DOCK5: variants seen among roughly 807,000 people sequenced by gnomAD.
DOCK5 encodes dedicator of cytokinesis protein 5.
A neutral mutation model predicts 251.8 loss-of-function variants in DOCK5; 142 were observed. The observed-to-expected ratio is 0.56, with a 90% CI of 0.49 to 0.65. The LOEUF is 0.65. Ranked by LOEUF, DOCK5 falls within the 30% of genes least tolerant of loss-of-function variation. The pLI is 0.00. For missense variants in DOCK5, 2,111 were observed against 2,312.3 expected, an observed-to-expected ratio of 0.91 and a Z score of 1.79; for synonymous variants, 842 against 835.5, an observed-to-expected ratio of 1.01 and a Z score of -0.13.
chr8:25,362,269 T>C (rs1430903282), intron 28 of DOCK5, among the ~76,000 whole-genome samples: 1 of 152,126 alleles, frequency 6.6e-6, no homozygotes, highest in Non-Finnish European at 1.5e-5. Context: ...TGAAATCTAT[T>C]AAAAGTATCC....
rs1213244767 is a variant in DOCK5 at position 25,382,583 on chromosome 8, C to T, written c.4027-91C>T. The T allele has an allele frequency of 9.0e-6, 9 of 998,210 alleles. No homozygotes were observed. The South Asian group carries it at 1.0e-4, about 11-fold the overall frequency. 61.8% of individuals were successfully genotyped at this position (998,210 alleles called of 1,614,324 possible). On this transcript the variant is annotated intron_variant, in intron 39 of 51. Coordinates refer to ENST00000276440, the MANE Select transcript of DOCK5 (RefSeq NM_024940.8). The stretch of plus-strand genomic sequence containing the variant: ...AAAGACCTTTCATTGCTCTGGGTTA[C>T]GTGGGAAACAACAAAACAAAGTCTG...
intron 13 of DOCK5, among the ~76,000 whole-genome samples, chr8:25,314,941 G>A (rs1436116072): frequency 6.7e-6 from 1 of 149,798 alleles, no homozygotes; most frequent in African/African-American, 2.5e-5. Context: ...CCAAATTGGA[G>A]CTACGATGAC....
intron 40 of DOCK5, among the ~76,000 whole-genome samples, chr8:25,388,615 C>T (rs1801204225): frequency 6.6e-6 from 1 of 152,216 alleles, no homozygotes; most frequent in African/African-American, 2.4e-5. Flanking sequence ...TCTCCTCATT[C>T]TCTTATGCAG....
intron 34 of DOCK5, 29 bp from the exon 35 acceptor site, chr8:25,372,530 G>A (rs148847374): frequency 6.5e-7 from 1 of 1,548,606 alleles, no homozygotes; most frequent in Non-Finnish European, 8.7e-7. Context: ...ATGGAACCTG[G>A]GCTTTTGTCT....
intron 47 of DOCK5, among the ~76,000 whole-genome samples, chr8:25,401,692 C>T (rs1348374858): frequency 6.6e-6 from 1 of 152,182 alleles, no homozygotes; most frequent in Non-Finnish European, 1.5e-5. Context: ...CGAGATCACA[C>T]CATTGCACTC....
chr8:25,246,704 T>TCGTGTGTGTGTGTGTGTGTG (rs1414412892), intron 2 of DOCK5, among the ~76,000 whole-genome samples: 1 of 89,576 alleles, frequency 1.1e-5, no homozygotes, highest in African/African-American at 4.0e-5. Flanking sequence ...CCATGTTAGT[T>TCGTGTGTGTGTGTGTGTGTG]TGTGTGTGTG....
intron 26 of DOCK5, among the ~76,000 whole-genome samples, chr8:25,347,593 A>G (rs1053757330): frequency 8.5e-5 from 13 of 152,248 alleles, no homozygotes; most frequent in African/African-American, 3.1e-4. Flanking sequence ...ATAATAAAGT[A>G]AAGCTCCACG....
At chr8:25,253,972 C>T (rs1194240647) in intron 2 of DOCK5, among the ~76,000 whole-genome samples, 1 of 152,198 alleles carries the variant, frequency 6.6e-6, no homozygotes, top group Non-Finnish European at 1.5e-5. Flanking sequence ...AGGACTGACA[C>T]TACCTGATTT....
At chr8:25,248,666 T>C (rs1209480624) in intron 2 of DOCK5, among the ~76,000 whole-genome samples, 2 of 152,188 alleles carry the variant, frequency 1.3e-5, no homozygotes, top group African/African-American at 4.8e-5. Flanking sequence ...CTTTTTCTGT[T>C]TCCTGCCGTG....
At chr8:25,325,595 T>G in intron 18 of DOCK5, 48 bp downstream of exon 18, 1 of 1,595,832 alleles carries the variant, frequency 6.3e-7, no homozygotes, top group African/African-American at 1.3e-5. Context: ...TGCTCAGCCT[T>G]TCTGGGCTCC....
intron 1 of DOCK5, among the ~76,000 whole-genome samples, chr8:25,188,422 G>T (rs892400406): frequency 6.6e-6 from 1 of 152,222 alleles, no homozygotes; most frequent in Non-Finnish European, 1.5e-5. Context: ...AGCTAGCTAT[G>T]ACTTTGCCTG....
At chr8:25,370,202 C>T (rs889784751) in intron 34 of DOCK5, among the ~76,000 whole-genome samples, 1 of 152,184 alleles carries the variant, frequency 6.6e-6, no homozygotes, top group Non-Finnish European at 1.5e-5. Flanking sequence ...CCCTCTTGCC[C>T]TCCTTGGCAC....
At chr8:25,222,028 C>T (rs1802404180) in intron 1 of DOCK5, among the ~76,000 whole-genome samples, 1 of 152,176 alleles carries the variant, frequency 6.6e-6, no homozygotes, top group Non-Finnish European at 1.5e-5. Context: ...GCTGTCAGCC[C>T]TGCGAGTTAA....
intron 2 of DOCK5, among the ~76,000 whole-genome samples, chr8:25,265,115 A>C (rs1443363218): frequency 6.6e-6 from 1 of 151,410 alleles, no homozygotes; most frequent in Non-Finnish European, 1.5e-5. Context: ...TCTCCATGGC[A>C]TATAATACCT....
At chr8:25,328,060 G>T (rs1805604021) in intron 18 of DOCK5, among the ~76,000 whole-genome samples, 1 of 151,946 alleles carries the variant, frequency 6.6e-6, no homozygotes, top group African/African-American at 2.4e-5. Context: ...TCCGCTAGTT[G>T]CCCTAGTCGC....
intron 6 of DOCK5, among the ~76,000 whole-genome samples, chr8:25,295,018 G>T (rs949515261): frequency 2.0e-5 from 3 of 152,176 alleles, no homozygotes; most frequent in Admixed American, 1.3e-4. Flanking sequence ...CAACATTGGG[G>T]TGAATGTGAG....
intron 14 of DOCK5, among the ~76,000 whole-genome samples, chr8:25,319,096 A>C (rs1224930448): frequency 2.0e-5 from 3 of 152,208 alleles, no homozygotes; most frequent in Non-Finnish European, 1.5e-5. Context: ...TACTAAGCTC[A>C]GTGGTTCATG....
Position 25,358,975 on chromosome 8 carries a change from G to T in DOCK5, c.2863G>T (p.Ala955Ser). The T allele has an allele frequency of 6.2e-7, 1 of 1,613,912 alleles. No individual in the cohort carries two copies. The highest frequency in any genetic ancestry group is 8.5e-7 in the Non-Finnish European group (1 of 1,179,838). The change falls in exon 28 of 52, where the codon GCT becomes TCT. Residue 955 changes from alanine (A) to serine (S), a missense_variant. Around this residue, in one of 3 missense-constraint regions of DOCK5, gnomAD observed 1,717 missense variants for 1,892.4 expected, o/e 0.91. Coordinates refer to ENST00000276440, the MANE Select transcript of DOCK5 (RefSeq NM_024940.8). ...CTTTTCCTTCCAGGGGAGTTTTGTG[G>T]CTTGCATGATTGCCCTGCTGCAGCA... ...RQSPHIGSFV[A>S]CMIALLQQMD...
At chr8:25,210,008 T>TTTTATATATATA (rs1403956039) in intron 1 of DOCK5, among the ~76,000 whole-genome samples, 1 of 27,216 alleles carries the variant, frequency 3.7e-5, no homozygotes, top group African/African-American at 1.1e-4. Context: ...CCCCGGCTAA[T>TTTTATATATATA]TATATATATA....
Sources: allele counts gnomAD v4.1 joint callset (sites outside exome capture counted in the v4.1 genomes callset), GRCh38; gene constraint gnomAD v4.1.1; regional missense constraint gnomAD v4.1.1; transcripts MANE v1.5; gene names NCBI Gene and HGNC (gene_info 2026-07-23, HGNC 2026-07-21).